MCC: variants seen among roughly 807,000 people sequenced by gnomAD.
MCC encodes the protein colorectal mutant cancer protein.
MCC carries 90 observed loss-of-function variants against 116.2 expected under a neutral mutation model. That is an observed-to-expected ratio of 0.77 (90% CI 0.65 to 0.92). MCC has a LOEUF of 0.92. MCC is among the 40% of genes least tolerant of loss of function. The pLI, the probability that MCC is intolerant of heterozygous loss-of-function variation, is 0.00. For synonymous variants in MCC, 578 were observed against 510.5 expected (o/e 1.13, Z -1.78); for missense variants, 1,516 against 1,312.2 (o/e 1.16, Z -2.40).
intron 3 of MCC, among the ~76,000 whole-genome samples, chr5:113,327,146 C>A (rs1401407676): frequency 1.3e-5 from 2 of 152,026 alleles, no homozygotes; most frequent in East Asian, 1.9e-4. Flanking sequence ...AGCTTCAGAT[C>A]TGGGATAAAG....
intron 6 of MCC, among the ~76,000 whole-genome samples, chr5:113,116,880 C>G (rs1757428269): frequency 6.6e-6 from 1 of 152,210 alleles, no homozygotes; most frequent in Non-Finnish European, 1.5e-5. Context: ...AATGTTCAAA[C>G]TGTTAACTGG....
chr5:113,469,258 C>A (rs1772009230), intron 1 of MCC, among the ~76,000 whole-genome samples: 1 of 152,080 alleles, frequency 6.6e-6, no homozygotes, highest in African/African-American at 2.4e-5. Context: ...TTTTCTAGTT[C>A]TTTTAATTGT....
At chr5:113,334,084 G>C (rs1427035215) in intron 3 of MCC, among the ~76,000 whole-genome samples, 5 of 147,210 alleles carry the variant, frequency 3.4e-5, no homozygotes, top group Non-Finnish European at 7.4e-5. Context: ...AAACCAAGTA[G>C]TATAGCTGAC....
intron 3 of MCC, among the ~76,000 whole-genome samples, chr5:113,197,128 G>A (rs6872592): frequency 0.013 from 2,029 of 152,278 alleles, 47 homozygotes; most frequent in African/African-American, 0.047. Context: ...AGCTGTGGTG[G>A]GCTGGGGGGT....
chr5:113,302,177 G>C (rs1922678), intron 3 of MCC, among the ~76,000 whole-genome samples: 22,612 of 152,174 alleles, frequency 0.15, 1,742 homozygotes, highest in Non-Finnish European at 0.17. Context: ...CCAGACACAT[G>C]ATTTCTGATG....
intron 8 of MCC, among the ~76,000 whole-genome samples, chr5:113,091,521 G>C (rs1172430438): frequency 6.6e-6 from 1 of 152,202 alleles, no homozygotes. Context: ...GAACCTTAAA[G>C]AGATAAGGGG....
intron 13 of MCC, among the ~76,000 whole-genome samples, chr5:113,064,934 C>T (rs113885059): frequency 2.6e-5 from 4 of 152,266 alleles, no homozygotes; most frequent in South Asian, 2.1e-4. Context: ...GGTGGGAGGA[C>T]TGCTTGAACT....
intron 1 of MCC, among the ~76,000 whole-genome samples, chr5:113,456,657 G>C (rs1257175550): frequency 2.9e-5 from 2 of 69,582 alleles, no homozygotes; most frequent in Non-Finnish European, 4.8e-5. Flanking sequence ...TTTTTTAGTA[G>C]AGACGAGGCT....
chr5:113,455,379 C>T (rs1001196900), intron 1 of MCC, among the ~76,000 whole-genome samples: 3 of 152,160 alleles, frequency 2.0e-5, no homozygotes, highest in Non-Finnish European at 2.9e-5. Context: ...GCACTCCCCC[C>T]CACCATCACC....
chr5:113,471,468 G>A (rs1440747475), intron 1 of MCC, among the ~76,000 whole-genome samples: 6 of 152,170 alleles, frequency 3.9e-5, no homozygotes, highest in Admixed American at 2.6e-4. Flanking sequence ...TATCGGCAGC[G>A]GTGGCTGCAG....
chr5:113,070,632 A>T (rs997412384), intron 12 of MCC, among the ~76,000 whole-genome samples: 46 of 152,362 alleles, frequency 3.0e-4, no homozygotes, highest in African/African-American at 1.1e-3. Context: ...TTTTAATATC[A>T]AAAGTCTAAA....
At chr5:113,192,754 T>G (rs959689507) in intron 3 of MCC, among the ~76,000 whole-genome samples, 8 of 152,158 alleles carry the variant, frequency 5.3e-5, no homozygotes, top group Non-Finnish European at 1.5e-5. Context: ...TACCTCCTTC[T>G]CCATAGGTTT....
chr5:113,304,940 T>C (rs956116649), intron 3 of MCC, among the ~76,000 whole-genome samples: 4 of 152,096 alleles, frequency 2.6e-5, no homozygotes, highest in Admixed American at 1.3e-4. Context: ...CTGGAGCTGT[T>C]TGGGCTAAAA....
At chr5:113,083,054 A>G in intron 10 of MCC, 46 bp from the exon 11 acceptor site, 1 of 1,563,900 alleles carries the variant, frequency 6.4e-7, no homozygotes, top group Non-Finnish European at 8.7e-7. Context: ...ATCATTTCAG[A>G]GATGCATGTT....
At chr5:113,297,338 A>G (rs894363503) in intron 3 of MCC, among the ~76,000 whole-genome samples, 1 of 152,068 alleles carries the variant, frequency 6.6e-6, no homozygotes, top group African/African-American at 2.4e-5. Context: ...CCCTGTCTCT[A>G]CTAGGATCAT....
In MCC at chr5:113,099,297, G is replaced by A. The variant is rs149667961; in HGVS notation, c.1398+2442C>T. Among the ~76,000 whole-genome samples, 212 of 152,284 alleles carry A rather than the reference G, an allele frequency of 1.4e-3. 1 individual carries two copies. The highest frequency in any genetic ancestry group is 4.8e-3 in the African/African-American group (199 of 41,556). On this transcript the variant is annotated intron_variant, in intron 8 of 18. Transcript: ENST00000408903. Reference sequence around the variant, plus strand: ...CAAACTTATAAAAGGTAACAGATGTGACTGGAAGAAAGGCTTTGACTAAAA... The same window carrying A: ...CAAACTTATAAAAGGTAACAGATGTAACTGGAAGAAAGGCTTTGACTAAAA...
chr5:113,237,603 A>T (rs1315457750), intron 3 of MCC, among the ~76,000 whole-genome samples: 1 of 152,234 alleles, frequency 6.6e-6, no homozygotes, highest in African/African-American at 2.4e-5. Flanking sequence ...CACTGGGAGG[A>T]AACACGGGCC....
intron 3 of MCC, chr5:113,204,515 G>C (rs1762825882): frequency 6.6e-6 from 1 of 152,158 alleles, no homozygotes; most frequent in Non-Finnish European, 1.5e-5. Context: ...TAAAATACCT[G>C]ATGCTCATTT....
Position 113,027,234 on chromosome 5 carries a change from C to A in MCC, c.*68G>T, listed in dbSNP as rs1384517055. ...CTCCTCCTCCCAACAAGTACATGGG[C>A]CCTTCTGTCCCCAGTGGCCTGCTGC... On this transcript the variant is annotated 3_prime_UTR_variant, in exon 19 of 19. Coordinates refer to ENST00000408903, the MANE Select transcript of MCC (RefSeq NM_001085377.2). The A allele has an allele frequency of 6.6e-7, 1 of 1,523,102 alleles. No individual in the cohort carries two copies. Among genetic ancestry groups the A allele is most frequent in the African/African-American group, 1.4e-5 (1 of 72,478 alleles). 94.3% of individuals were successfully genotyped at this position (1,523,102 alleles called of 1,614,324 possible).
Sources: allele counts gnomAD v4.1 joint callset (sites outside exome capture counted in the v4.1 genomes callset), GRCh38; gene constraint gnomAD v4.1.1; transcripts MANE v1.5; gene names NCBI Gene and HGNC (gene_info 2026-07-23, HGNC 2026-07-21).